The following TUSC3 variants were observed in gnomAD, a reference collection of about 807,000 sequenced individuals.
The protein encoded by TUSC3 is dolichyl-diphosphooligosaccharide--protein glycosyltransferase subunit TUSC3.
TUSC3 carries 45 observed loss-of-function variants against 44.8 expected under a neutral mutation model. The observed-to-expected ratio is 1.00, with a 90% confidence interval of 0.79 to 1.29. TUSC3 has a LOEUF of 1.29. Among genes scored for constraint, TUSC3 ranks in the 50% most tolerant of loss-of-function variants. The pLI is 0.00. For synonymous variants in TUSC3, 212 were observed against 152.9 expected (o/e 1.39, Z -2.85); for missense variants, 519 against 437.9 (o/e 1.19, Z -1.65).
At chr8:15,829,213 T>C in the TUSC3 span, among the ~76,000 whole-genome samples, 1,763 of 152,306 alleles carry the variant, frequency 0.012, 48 homozygotes, top group African/African-American at 0.04. Context: ...TTTCTAATCA[T>C]TTGCTATTAG....
chr8:15,593,920 T>C (rs17612080), intron 1 of TUSC3, among the ~76,000 whole-genome samples: 2,328 of 152,302 alleles, frequency 0.015, 41 homozygotes, highest in East Asian at 0.04. Context: ...AGCATTAATC[T>C]ACTCTATAAA....
intron 6 of TUSC3, among the ~76,000 whole-genome samples, chr8:15,717,643 T>C (rs1384573821): frequency 1.3e-5 from 2 of 152,108 alleles, no homozygotes; most frequent in African/African-American, 2.4e-5. Flanking sequence ...TTGGAGTCTT[T>C]CCATGTCAGC....
chr8:15,682,517 A>T (rs1319648431), intron 6 of TUSC3, among the ~76,000 whole-genome samples: 1 of 151,976 alleles, frequency 6.6e-6, no homozygotes, highest in African/African-American at 2.4e-5. Context: ...TGAGTGTTAG[A>T]TCGTTTTCCA....
At chr8:15,839,379 G>A in the TUSC3 span, among the ~76,000 whole-genome samples, 1 of 152,066 alleles carries the variant, frequency 6.6e-6, no homozygotes, top group Admixed American at 6.6e-5. Context: ...GCCCTGGCCA[G>A]AACTCCAACA....
At chr8:15,449,645 C>T (rs1800167008) in intron 1 of TUSC3, among the ~76,000 whole-genome samples, 1 of 152,160 alleles carries the variant, frequency 6.6e-6, no homozygotes, top group South Asian at 2.1e-4. Flanking sequence ...TACCTCCCAT[C>T]CCACAGGAAT....
intron 1 of TUSC3, among the ~76,000 whole-genome samples, chr8:15,577,431 G>T (rs1167563825): frequency 6.6e-6 from 1 of 151,788 alleles, no homozygotes; most frequent in East Asian, 1.9e-4. Flanking sequence ...TTCTTCTAGG[G>T]TTTTTATGGT....
At chr8:15,465,484 C>T (rs1465248713) in intron 1 of TUSC3, among the ~76,000 whole-genome samples, 1 of 152,106 alleles carries the variant, frequency 6.6e-6, no homozygotes, top group Admixed American at 6.6e-5. Context: ...CAACAATGAT[C>T]AACAAACATT....
chr8:15,635,970 C>G (rs574944713), intron 2 of TUSC3, among the ~76,000 whole-genome samples: 5 of 152,284 alleles, frequency 3.3e-5, no homozygotes, highest in Admixed American at 3.3e-4. Flanking sequence ...ATAGATGTTT[C>G]AAAGAGCGGT....
the TUSC3 span, among the ~76,000 whole-genome samples, chr8:15,833,234 A>C: frequency 6.6e-6 from 1 of 152,326 alleles, no homozygotes; most frequent in Middle Eastern, 3.4e-3. Context: ...GTTGCGGAGA[A>C]AAAGGAACAT....
At chr8:15,777,320 A>G in the TUSC3 span, among the ~76,000 whole-genome samples, 3 of 152,170 alleles carry the variant, frequency 2.0e-5, no homozygotes, top group African/African-American at 7.2e-5. Flanking sequence ...AGCTGAAGGA[A>G]AAGAAGGCAT....
intron 3 of TUSC3, 124 bp downstream of exon 3, chr8:15,650,938 C>G (rs1239739945): frequency 5.6e-6 from 5 of 900,678 alleles, no homozygotes; most frequent in Non-Finnish European, 8.9e-6. Flanking sequence ...TGCAGTGAGC[C>G]GAGATTGTGC....
At chr8:15,724,572 C>A (rs937244436) in intron 6 of TUSC3, among the ~76,000 whole-genome samples, 3 of 152,108 alleles carry the variant, frequency 2.0e-5, no homozygotes, top group Admixed American at 2.0e-4. Context: ...ATGTTTTCTT[C>A]CTTCTTTTTG....
rs577883345 is a variant in TUSC3 at position 15,581,962 on chromosome 8, T to C, written c.139-41118T>C. On this transcript the variant is annotated intron_variant, in intron 1 of 10. Transcript: ENST00000503731. ...ACTGCTGTGCTAGCAGTCAGCGAGA[T>C]TCCGTGGGCGTAGGACCCTCTGAGC... Among the ~76,000 whole-genome samples the C allele has an allele frequency of 7.1e-3, 1,062 of 148,610 alleles. 25 individuals are homozygous for C. Among genetic ancestry groups the C allele is most frequent in the African/African-American group, 0.026 (978 of 38,340 alleles).
At chr8:15,598,777 AT>A (rs964200275) in intron 1 of TUSC3, among the ~76,000 whole-genome samples, 8 of 150,620 alleles carry the variant, frequency 5.3e-5, no homozygotes, top group African/African-American at 1.2e-4. Flanking sequence ...TTGATAGCTC[AT>A]TTTTTTTTAT....
intron 1 of TUSC3, among the ~76,000 whole-genome samples, chr8:15,434,037 G>A (rs1050016124): frequency 3.9e-5 from 6 of 152,140 alleles, no homozygotes; most frequent in Non-Finnish European, 5.9e-5. Flanking sequence ...AAACTAAACA[G>A]TTCCTCAAGG....
chr8:15,540,602 C>T (rs748475969), intron 1 of TUSC3, 34 bp downstream of exon 1: 1 of 1,466,710 alleles, frequency 6.8e-7, no homozygotes, highest in Non-Finnish European at 9.2e-7. Context: ...CCCCTGTGGG[C>T]GGGGGCGGGC....
intron 2 of TUSC3, among the ~76,000 whole-genome samples, chr8:15,524,499 T>C (rs911025048): frequency 2.0e-5 from 3 of 152,182 alleles, no homozygotes; most frequent in African/African-American, 7.2e-5. Flanking sequence ...TTAAAGCCTA[T>C]ATTTTTTTCT....
chr8:15,549,411 A>T (rs1801979165), intron 1 of TUSC3, among the ~76,000 whole-genome samples: 1 of 151,564 alleles, frequency 6.6e-6, no homozygotes, highest in Non-Finnish European at 1.5e-5. Context: ...TGACCTCGTG[A>T]TCTGCCCGCC....
chr8:15,825,072 A>G, the TUSC3 span, among the ~76,000 whole-genome samples: 3 of 152,186 alleles, frequency 2.0e-5, no homozygotes, highest in South Asian at 4.1e-4. Context: ...ATCTCCTATG[A>G]CCATGCTATT....
Sources: gnomAD v4.1 joint callset for allele counts (sites outside exome capture counted in the v4.1 genomes callset) on GRCh38, gnomAD v4.1.1 for gene constraint, MANE v1.5 for transcripts, NCBI Gene and HGNC (gene_info 2026-07-23, HGNC 2026-07-21) for gene names.